Variants in SUMF1 observed in about 807,000 individuals in gnomAD.
SUMF1 encodes sulfatase modifying factor 1, also known as formylglycine-generating enzyme.
In SUMF1, 48 loss-of-function variants were observed where a neutral mutation model predicts 47.6. The ratio of observed to expected loss-of-function variants is 1.01; its 90% CI spans 0.80 to 1.28. The LOEUF is 1.28. Among genes scored for constraint, SUMF1 ranks in the 50% most tolerant of loss-of-function variants. SUMF1 has a pLI of 0.00. For missense variants in SUMF1, 571 were observed against 485.4 expected, an observed-to-expected ratio of 1.18 and a Z score of -1.66; for synonymous variants, 230 against 192.1, an observed-to-expected ratio of 1.20 and a Z score of -1.63.
At chr3:4,122,044 C>G (rs187302175) in intron 8 of SUMF1, among the ~76,000 whole-genome samples, 1 of 151,434 alleles carries the variant, frequency 6.6e-6, no homozygotes, top group African/African-American at 2.5e-5. Flanking sequence ...AGGACATGAT[C>G]GCGTTCTTTT....
chr3:4,354,984 G>A (rs1368547888), intron 8 of SUMF1, among the ~76,000 whole-genome samples: 3 of 152,182 alleles, frequency 2.0e-5, no homozygotes, highest in Non-Finnish European at 4.4e-5. Flanking sequence ...AGTTACGTAT[G>A]TGGTGGTGCA....
intron 8 of SUMF1, among the ~76,000 whole-genome samples, chr3:4,225,349 C>G (rs1276653259): frequency 6.6e-6 from 1 of 152,076 alleles, no homozygotes; most frequent in Non-Finnish European, 1.5e-5. Context: ...TGAGATATCA[C>G]CAGCCCCAGG....
intron 7 of SUMF1, among the ~76,000 whole-genome samples, chr3:4,401,770 C>A (rs1701219578): frequency 6.6e-6 from 1 of 152,186 alleles, no homozygotes; most frequent in South Asian, 2.1e-4. Context: ...ACTCTCTGCT[C>A]TTTTCTTTTA....
intron 8 of SUMF1, chr3:4,313,168 G>A: frequency 6.2e-7 from 1 of 1,614,018 alleles, no homozygotes; most frequent in Non-Finnish European, 8.5e-7. Flanking sequence ...CCACTTCCAA[G>A]TGTTCAAGAC....
At chr3:4,438,361 T>C (rs1043986126) in intron 3 of SUMF1, among the ~76,000 whole-genome samples, 1 of 152,090 alleles carries the variant, frequency 6.6e-6, no homozygotes, top group Non-Finnish European at 1.5e-5. Context: ...AGGCCCTGAG[T>C]TTTGGGCTTC....
intron 8 of SUMF1, among the ~76,000 whole-genome samples, chr3:4,093,483 G>A (rs1692833480): frequency 6.6e-6 from 1 of 152,040 alleles, no homozygotes; most frequent in African/African-American, 2.4e-5. Flanking sequence ...GAGAAGGAAA[G>A]GAGGAGGAAA....
At chr3:4,198,657 T>G (rs1695480512) in intron 8 of SUMF1, among the ~76,000 whole-genome samples, 1 of 152,088 alleles carries the variant, frequency 6.6e-6, no homozygotes, top group African/African-American at 2.4e-5. Flanking sequence ...CCCTGTAGCT[T>G]TGCCTTTCTT....
intron 8 of SUMF1, among the ~76,000 whole-genome samples, chr3:4,138,139 A>G (rs1167207084): frequency 6.6e-6 from 1 of 152,168 alleles, no homozygotes; most frequent in Non-Finnish European, 1.5e-5. Context: ...GGTAGAAATA[A>G]ATAAAAGACC....
chr3:4,065,948 C>T (rs1036835257), intron 9 of SUMF1, among the ~76,000 whole-genome samples: 1 of 152,144 alleles, frequency 6.6e-6, no homozygotes. Flanking sequence ...ATACTCTTAA[C>T]TCACTGCTCA....
intron 8 of SUMF1, among the ~76,000 whole-genome samples, chr3:4,364,207 C>A (rs75159516): frequency 8.1e-6 from 1 of 122,964 alleles, no homozygotes; most frequent in African/African-American, 2.7e-5. Context: ...AGTCTCTGCC[C>A]GGCTTTGGTA....
chr3:4,163,945 C>T lies in SUMF1; in HGVS notation c.1015-95200G>A, dbSNP rs146164656. Among the ~76,000 whole-genome samples, 492 of 152,192 alleles carry T rather than the reference C, an allele frequency of 3.2e-3. 3 individuals carry two copies. Among genetic ancestry groups the T allele is most frequent in the African/African-American group, 0.011 (465 of 41,524 alleles). On this transcript the variant is annotated intron_variant and NMD_transcript_variant, in intron 8 of 12. Coordinates refer to the SUMF1 transcript ENST00000448413. Reference sequence around the variant, plus strand: ...ACACACAAGCCTGTACTGAGAATCACCTGTGAGAAGCCAAACAGAAAGTCA... The same window carrying T: ...ACACACAAGCCTGTACTGAGAATCATCTGTGAGAAGCCAAACAGAAAGTCA...
At chr3:4,311,375 A>T (rs1227165743) in intron 8 of SUMF1, among the ~76,000 whole-genome samples, 1 of 152,246 alleles carries the variant, frequency 6.6e-6, no homozygotes, top group Non-Finnish European at 1.5e-5. Flanking sequence ...AGGTGCTTTA[A>T]AATCTATCCC....
At chr3:4,303,366 G>C (rs1698026252) in intron 8 of SUMF1, 1 of 1,544,046 alleles carries the variant, frequency 6.5e-7, no homozygotes, top group African/African-American at 1.4e-5. Context: ...GCGTGAGGCG[G>C]GTAAATGTTC....
At chr3:4,219,035 C>A (rs1395644928) in intron 8 of SUMF1, among the ~76,000 whole-genome samples, 1 of 152,114 alleles carries the variant, frequency 6.6e-6, no homozygotes, top group Non-Finnish European at 1.5e-5. Flanking sequence ...TGCTGTATGA[C>A]TTTTTTCTTT....
intron 8 of SUMF1, among the ~76,000 whole-genome samples, chr3:4,159,458 G>T (rs1440000141): frequency 2.7e-5 from 4 of 147,130 alleles, no homozygotes; most frequent in Admixed American, 6.6e-5. Context: ...ACTTCATTTT[G>T]CCCAGTTTTA....
At chr3:4,430,702 A>C (rs1156408387) in intron 3 of SUMF1, among the ~76,000 whole-genome samples, 1 of 152,154 alleles carries the variant, frequency 6.6e-6, no homozygotes, top group Non-Finnish European at 1.5e-5. Context: ...ACAAACAAGC[A>C]GATGATTTCA....
intron 9 of SUMF1, among the ~76,000 whole-genome samples, chr3:4,050,763 A>AAG (rs1553591212): frequency 8.3e-4 from 121 of 146,436 alleles, no homozygotes; most frequent in African/African-American, 2.8e-3. Context: ...AAAAAAAAAA[A>AAG]AAAGAAAGAA....
At chr3:4,389,932 G>C (rs544770239) in intron 7 of SUMF1, among the ~76,000 whole-genome samples, 3 of 151,952 alleles carry the variant, frequency 2.0e-5, no homozygotes, top group Non-Finnish European at 4.4e-5. Flanking sequence ...ATCTTTGCTG[G>C]GTAAGTCTAA....
intron 1 of SUMF1, among the ~76,000 whole-genome samples, chr3:4,460,666 A>ATT (rs1168478432): frequency 1.0e-4 from 15 of 146,940 alleles, no homozygotes; most frequent in African/African-American, 3.3e-4. Context: ...ATATATATAT[A>ATT]TTTTTTAAGA....
Sources: allele counts gnomAD v4.1 joint callset (sites outside exome capture counted in the v4.1 genomes callset), GRCh38; gene constraint gnomAD v4.1.1; transcripts MANE v1.5; gene names NCBI Gene and HGNC (gene_info 2026-07-23, HGNC 2026-07-21).